The following VCL variants were observed in gnomAD, a reference collection of about 807,000 sequenced individuals.
VCL encodes the protein epididymis luminal protein 114.
In VCL, 47 loss-of-function variants were observed where a neutral mutation model predicts 125.7. That is an observed-to-expected ratio of 0.37 (90% CI 0.30 to 0.48). The LOEUF is 0.48. Ranked by LOEUF, VCL falls within the 20% of genes least tolerant of loss-of-function variation. The pLI, the probability that VCL is intolerant of heterozygous loss-of-function variation, is 0.99. For synonymous variants in VCL, 458 were observed against 514.6 expected (o/e 0.89, Z 1.49); for missense variants, 1,069 against 1,455.5 (o/e 0.73, Z 4.32).
intron 2 of VCL, among the ~76,000 whole-genome samples, chr10:74,059,697 G>A (rs759568346): frequency 6.6e-5 from 10 of 152,202 alleles, no homozygotes; most frequent in African/African-American, 2.2e-4. Context: ...GAGCCACCGC[G>A]TCCAGCCTGC....
chr10:74,050,240 C>T (rs900546287), intron 2 of VCL, among the ~76,000 whole-genome samples: 10 of 152,164 alleles, frequency 6.6e-5, no homozygotes, highest in African/African-American at 2.4e-4. Context: ...TGGATTGGTT[C>T]ACCAGCTTGG....
At chr10:74,105,402 A>C in intron 16 of VCL, 49 bp downstream of exon 16, 10 of 1,609,088 alleles carry the variant, frequency 6.2e-6, no homozygotes, top group African/African-American at 1.3e-5. Context: ...AGGTTAACTC[A>C]GGAAAGGTCG....
intron 1 of VCL, among the ~76,000 whole-genome samples, chr10:74,018,199 T>A (rs1299873153): frequency 1.4e-5 from 2 of 141,406 alleles, no homozygotes; most frequent in East Asian, 2.0e-4. Context: ...TATATATATA[T>A]ATAAATACAT....
intron 1 of VCL, among the ~76,000 whole-genome samples, chr10:74,015,003 A>G (rs1840510800): frequency 6.6e-6 from 1 of 152,128 alleles, no homozygotes; most frequent in South Asian, 2.1e-4. Flanking sequence ...CAAATATTTA[A>G]TGAGTACATT....
chr10:74,054,750 G>A (rs1343856514), intron 2 of VCL, among the ~76,000 whole-genome samples: 3 of 152,022 alleles, frequency 2.0e-5, no homozygotes, highest in Non-Finnish European at 4.4e-5. Context: ...GTGAAATCCC[G>A]TCTCTACCAA....
At chr10:74,034,497 C>T (rs895263031) in intron 1 of VCL, among the ~76,000 whole-genome samples, 3 of 152,204 alleles carry the variant, frequency 2.0e-5, no homozygotes, top group African/African-American at 7.2e-5. Context: ...ACCTCACCTA[C>T]GCAGAGCAGA....
chr10:74,003,711 C>A (rs1840269936), intron 1 of VCL, among the ~76,000 whole-genome samples: 1 of 152,070 alleles, frequency 6.6e-6, no homozygotes. Flanking sequence ...ATGGGAAAGA[C>A]TGCTCTGCTC....
chr10:74,024,461 A>C (rs1181126228), intron 1 of VCL, among the ~76,000 whole-genome samples: 1 of 152,108 alleles, frequency 6.6e-6, no homozygotes, highest in Non-Finnish European at 1.5e-5. Context: ...AAATACAAAA[A>C]TTAGCCGGGC....
chr10:74,093,680 T>C (rs1003717422), intron 10 of VCL, among the ~76,000 whole-genome samples: 1 of 151,904 alleles, frequency 6.6e-6, no homozygotes, highest in African/African-American at 2.4e-5. Context: ...ATACCTATAG[T>C]CCCAGCTACC....
chr10:74,025,143 A>T (rs564346858), intron 1 of VCL, among the ~76,000 whole-genome samples: 1 of 152,042 alleles, frequency 6.6e-6, no homozygotes, highest in East Asian at 1.9e-4. Flanking sequence ...CAGCCTCCCA[A>T]CTAGCTGGGA....
At chr10:74,110,824 T>C (rs781081713) in intron 18 of VCL, among the ~76,000 whole-genome samples, 6 of 152,206 alleles carry the variant, frequency 3.9e-5, no homozygotes, top group Non-Finnish European at 8.8e-5. Context: ...TTTGGCTTCA[T>C]TGTGGCAGTT....
At chr10:74,101,700 C>T (rs1199512289) in intron 14 of VCL, among the ~76,000 whole-genome samples, 8 of 151,306 alleles carry the variant, frequency 5.3e-5, no homozygotes, top group African/African-American at 1.7e-4. Context: ...GGACTACAGG[C>T]GCCCGCCACC....
chr10:74,093,066 G>A (rs530479369), intron 10 of VCL, among the ~76,000 whole-genome samples: 2 of 152,316 alleles, frequency 1.3e-5, no homozygotes, highest in South Asian at 2.1e-4. Context: ...GGAGGCTGAC[G>A]TGGGCACATC....
intron 1 of VCL, among the ~76,000 whole-genome samples, chr10:74,012,878 AG>A (rs1290007687): frequency 1.3e-5 from 2 of 152,110 alleles, no homozygotes; most frequent in African/African-American, 4.8e-5. Context: ...TCCATTTTTC[AG>A]GGACACTTTC....
intron 2 of VCL, among the ~76,000 whole-genome samples, chr10:74,050,246 C>T (rs1176081471): frequency 1.3e-5 from 2 of 152,152 alleles, no homozygotes; most frequent in Non-Finnish European, 2.9e-5. Context: ...GGTTCACCAG[C>T]TTGGACTATT....
intron 1 of VCL, among the ~76,000 whole-genome samples, chr10:74,020,385 A>G (rs1840637360): frequency 6.6e-6 from 1 of 152,234 alleles, no homozygotes; most frequent in South Asian, 2.1e-4. Context: ...AGCTGGTAGC[A>G]TGGATCCACC....
chr10:74,049,825 A>C (rs572959342), intron 2 of VCL, among the ~76,000 whole-genome samples: 1 of 152,358 alleles, frequency 6.6e-6, no homozygotes, highest in African/African-American at 2.4e-5. Flanking sequence ...GTAGGTGCTA[A>C]TGTTGTAACA....
rs186225559 is a variant in VCL at position 74,091,552 on chromosome 10, G to C, written c.1352+1354G>C. On this transcript the variant is annotated intron_variant, in intron 10 of 21. Coordinates refer to ENST00000211998, the MANE Select transcript of VCL (RefSeq NM_014000.3). ...CCCAACACTTGGTGAGGCTGAGGGC[G>C]TGTGGATCACTTGAGGTCAGGAATT... Among the ~76,000 whole-genome samples, 11 of 152,144 alleles carry C rather than the reference G, an allele frequency of 7.2e-5. No individual in the cohort carries two copies. In the East Asian group the frequency reaches 2.1e-3, roughly 29 times the overall value.
rs1049552680 is a variant in VCL at position 74,071,093 on chromosome 10, A to T, written c.499+10A>T. On this transcript the variant is annotated intron_variant, in intron 4 of 21. Transcript: ENST00000211998. The surrounding 1 kb of genome is among the most constrained non-coding windows in gnomAD (Gnocchi z 4.1). ...AAGAATCTTGGGCCAGGTTAGTTTT[A>T]TCCAATTTCTATAACATTTTTTAAG... 6 of 1,612,154 alleles carry T rather than the reference A, an allele frequency of 3.7e-6. No individual in the cohort carries two copies. Among genetic ancestry groups the T allele is most frequent in the African/African-American group, 1.3e-5 (1 of 74,994 alleles).
Sources: allele counts gnomAD v4.1 joint callset (sites outside exome capture counted in the v4.1 genomes callset), GRCh38; gene constraint gnomAD v4.1.1; non-coding constraint Gnocchi (gnomAD v3.1); transcripts MANE v1.5; gene names NCBI Gene and HGNC (gene_info 2026-07-23, HGNC 2026-07-21).